Variants in ANKS1B observed in about 807,000 individuals in gnomAD.
ANKS1B encodes ankyrin repeat and sterile alpha motif domain containing 1B.
A neutral mutation model predicts 148.3 loss-of-function variants in ANKS1B; 36 were observed. That is an observed-to-expected ratio of 0.24 (90% CI 0.19 to 0.32). The LOEUF is 0.32. Among genes scored for constraint, ANKS1B ranks in the 10% least tolerant of loss-of-function variants. The pLI is 1.00. For missense variants in ANKS1B, 1,157 were observed against 1,542.6 expected, an observed-to-expected ratio of 0.75 and a Z score of 4.19; for synonymous variants, 542 against 560.8, an observed-to-expected ratio of 0.97 and a Z score of 0.47.
At chr12:99,241,737 G>A (rs915683871) in intron 14 of ANKS1B, among the ~76,000 whole-genome samples, 1 of 152,178 alleles carries the variant, frequency 6.6e-6, no homozygotes, top group Non-Finnish European at 1.5e-5. Flanking sequence ...GGCCAGGTTG[G>A]TTCAACATAC....
intron 15 of ANKS1B, chr12:99,099,868 C>T (rs924943666): frequency 2.0e-5 from 3 of 151,958 alleles, no homozygotes; most frequent in Admixed American, 6.6e-5. Flanking sequence ...AAGGTTTGTA[C>T]GTATTTTTAA....
At chr12:99,378,824 A>T (rs2093513546) in intron 12 of ANKS1B, among the ~76,000 whole-genome samples, 1 of 152,160 alleles carries the variant, frequency 6.6e-6, no homozygotes, top group Non-Finnish European at 1.5e-5. Flanking sequence ...AGAAAGTAAG[A>T]CTCCAGAGGG....
chr12:99,684,285 A>C (rs183464443), intron 8 of ANKS1B, among the ~76,000 whole-genome samples: 59 of 151,954 alleles, frequency 3.9e-4, no homozygotes, highest in Admixed American at 2.1e-3. Context: ...AAATCAATAT[A>C]TACAAATCAG....
chr12:99,041,384 T>C (rs939131412), intron 17 of ANKS1B, among the ~76,000 whole-genome samples: 1 of 152,206 alleles, frequency 6.6e-6, no homozygotes, highest in Non-Finnish European at 1.5e-5. Flanking sequence ...TTTTCTAAAA[T>C]AGCTGAGTTT....
chr12:99,834,735 T>C (rs2084557127), intron 1 of ANKS1B, among the ~76,000 whole-genome samples: 1 of 152,224 alleles, frequency 6.6e-6, no homozygotes, highest in Non-Finnish European at 1.5e-5. Context: ...CATCAGTCTA[T>C]GGGGAAAATC....
chr12:98,913,526 C>T (rs1421869530), intron 17 of ANKS1B, among the ~76,000 whole-genome samples: 3 of 152,166 alleles, frequency 2.0e-5, no homozygotes, highest in South Asian at 4.1e-4. Context: ...TAAACACTGC[C>T]CACATGTTGA....
intron 17 of ANKS1B, among the ~76,000 whole-genome samples, chr12:98,898,081 A>T (rs1202804389): frequency 2.0e-5 from 3 of 152,214 alleles, no homozygotes; most frequent in African/African-American, 7.2e-5. Flanking sequence ...AGGGGACTGA[A>T]ACTGAAAAAT....
chr12:99,108,408 A>T (rs1402691923), intron 15 of ANKS1B, among the ~76,000 whole-genome samples: 2 of 152,210 alleles, frequency 1.3e-5, no homozygotes, highest in Non-Finnish European at 2.9e-5. Context: ...TTAATATTTG[A>T]AGAACGTATA....
At chr12:99,838,783 G>A (rs1007499396) in intron 1 of ANKS1B, among the ~76,000 whole-genome samples, 2 of 151,496 alleles carry the variant, frequency 1.3e-5, no homozygotes, top group Non-Finnish European at 2.9e-5. Context: ...TCTATTATGG[G>A]TATATGATAT....
intron 17 of ANKS1B, among the ~76,000 whole-genome samples, chr12:99,023,263 T>G (rs1019377450): frequency 6.6e-6 from 1 of 152,182 alleles, no homozygotes; most frequent in Non-Finnish European, 1.5e-5. Flanking sequence ...CTCTTTCTTC[T>G]CACTTTTTCC....
chr12:99,604,352 A>G (rs1229671361), intron 9 of ANKS1B, among the ~76,000 whole-genome samples: 1 of 152,106 alleles, frequency 6.6e-6, no homozygotes, highest in East Asian at 1.9e-4. Flanking sequence ...TAGCATATCA[A>G]ATAAGCCAAC....
chr12:99,139,705 C>G (rs1294467512), intron 15 of ANKS1B, among the ~76,000 whole-genome samples: 2 of 151,798 alleles, frequency 1.3e-5, no homozygotes, highest in African/African-American at 4.8e-5. Context: ...CTAGTCTTAG[C>G]TCCCTGAGTA....
At chr12:98,743,639 GATA>G (rs1419865049), downstream of ANKS1B, among the ~76,000 whole-genome samples, 2 of 152,220 alleles carry the variant, frequency 1.3e-5, no homozygotes, top group Non-Finnish European at 1.5e-5. Flanking sequence ...TGACCATGTA[GATA>G]ATGTTTTTCC....
At position 99,775,575 on chromosome 12, in the gene ANKS1B, C is replaced by A. The variant is rs752698157; in HGVS notation, c.934G>T (p.Val312Phe). Reference protein sequence around the residue: ...ATQETHISSPVESPSQKTKSE... With the variant: ...ATQETHISSPFESPSQKTKSE... The stretch of plus-strand genomic sequence containing the variant: ...TTGGTCTTTTGGGAAGGAGACTCAA[C>A]AGGAGATGAAATGTGTGTTTCTTGT... The change falls in exon 7 of 27, where the codon GTT becomes TTT. Residue 312 changes from valine to phenylalanine, a missense_variant. Around this residue, in one of 6 missense-constraint regions of ANKS1B, gnomAD observed 661 missense variants for 642.1 expected, o/e 1.03. Transcript: ENST00000683438. 1 of 1,613,354 alleles carries A rather than the reference C, an allele frequency of 6.2e-7. No individual in the cohort carries two copies. The highest frequency in any genetic ancestry group is 8.5e-7 in the Non-Finnish European group (1 of 1,179,482).
chr12:99,661,195 G>C (rs2098475839), intron 8 of ANKS1B, among the ~76,000 whole-genome samples: 1 of 152,128 alleles, frequency 6.6e-6, no homozygotes, highest in East Asian at 1.9e-4. Context: ...GATTTAGCAG[G>C]AGACAAGATA....
intron 14 of ANKS1B, among the ~76,000 whole-genome samples, chr12:99,164,913 T>G (rs145727178): frequency 2.1e-3 from 315 of 152,208 alleles, no homozygotes; most frequent in African/African-American, 7.4e-3. Flanking sequence ...ATTGTAAAGA[T>G]TCATTGGTCA....
intron 9 of ANKS1B, among the ~76,000 whole-genome samples, chr12:99,509,720 C>T (rs751163986): frequency 1.3e-5 from 2 of 152,026 alleles, no homozygotes; most frequent in Middle Eastern, 3.4e-3. Flanking sequence ...CAGAAGATCC[C>T]GCTAAGACAA....
intron 9 of ANKS1B, among the ~76,000 whole-genome samples, chr12:99,634,752 A>G (rs1273008624): frequency 1.3e-5 from 2 of 152,236 alleles, no homozygotes; most frequent in South Asian, 2.1e-4. Context: ...CACAAGCAAC[A>G]AAAGTAAAAA....
chr12:99,928,785 C>A lies in ANKS1B; in HGVS notation c.134+55319G>T, dbSNP rs889814026. Among the ~76,000 whole-genome samples, 13 of 152,244 alleles carry A rather than the reference C, an allele frequency of 8.5e-5. No homozygotes were observed. The East Asian group carries it at 2.5e-3, about 29-fold the overall frequency. ...AGAACTTAGTCACAAAGGGTATAAA[C>A]CCTCTCAGGATCGTAACTCCAGGTG... On this transcript the variant is annotated intron_variant, in intron 1 of 26. Transcript: ENST00000683438.
Sources: gnomAD v4.1 joint callset for allele counts (sites outside exome capture counted in the v4.1 genomes callset) on GRCh38, gnomAD v4.1.1 for gene constraint, gnomAD v4.1.1 regional missense constraint, MANE v1.5 for transcripts, NCBI Gene and HGNC (gene_info 2026-07-23, HGNC 2026-07-21) for gene names.